ALG6: variants seen among roughly 807,000 people sequenced by gnomAD.
The protein encoded by ALG6 is ALG6 alpha-1,3-glucosyltransferase, also known as dolichyl pyrophosphate Man9GlcNAc2 alpha-1,3-glucosyltransferase.
ALG6 carries 46 observed loss-of-function variants against 66.6 expected under a neutral mutation model. The observed-to-expected ratio is 0.69, with a 90% confidence interval of 0.55 to 0.88. ALG6 has a LOEUF of 0.88. Ranked by LOEUF, ALG6 falls within the 40% of genes least tolerant of loss-of-function variation. The probability of loss-of-function intolerance (pLI) is 0.00; values close to 1 mark genes in which losing one functional copy is unlikely to be tolerated. For missense variants in ALG6, 505 were observed against 586.8 expected (o/e 0.86, Z 1.44); for synonymous variants, 185 against 203.7 (o/e 0.91, Z 0.78).
chr1:63,418,057 C>T (rs1469071952), intron 11 of ALG6, among the ~76,000 whole-genome samples: 2 of 151,378 alleles, frequency 1.3e-5, no homozygotes, highest in Non-Finnish European at 2.9e-5. Context: ...TCGCTTGAAC[C>T]TGGGAGGCGG....
chr1:63,420,905 C>G (rs1299715800), intron 12 of ALG6, among the ~76,000 whole-genome samples: 2 of 151,504 alleles, frequency 1.3e-5, no homozygotes, highest in Non-Finnish European at 2.9e-5. Flanking sequence ...TGACCTGGTC[C>G]CAGCTAATCA....
At chr1:63,397,500 G>A (rs184015148) in intron 3 of ALG6, among the ~76,000 whole-genome samples, 23 of 152,082 alleles carry the variant, frequency 1.5e-4, no homozygotes, top group Admixed American at 9.2e-4. Flanking sequence ...GTTCGTTTTC[G>A]TATGGTCTCA....
At chr1:63,398,018 T>C (rs755259462) in intron 3 of ALG6, among the ~76,000 whole-genome samples, 37 of 152,336 alleles carry the variant, frequency 2.4e-4, no homozygotes, top group Non-Finnish European at 4.4e-4. Flanking sequence ...TTATTGAACA[T>C]ATCCTGATAA....
At chr1:63,384,123 G>A (rs1378610289) in intron 2 of ALG6, among the ~76,000 whole-genome samples, 1 of 152,200 alleles carries the variant, frequency 6.6e-6, no homozygotes, top group Non-Finnish European at 1.5e-5. Context: ...AAACATAAGA[G>A]TGGAGCTATC....
chr1:63,436,751 T>TA, intron 14 of ALG6, 72 bp from the exon 15 acceptor site: 1 of 1,436,904 alleles, frequency 7.0e-7, no homozygotes, highest in Non-Finnish European at 9.8e-7. Context: ...ATTTAATAGC[T>TA]ACAAGTCAAT....
rs114798490 is a variant in ALG6 at position 63,380,577 on chromosome 1, T to C, written c.82+9518T>C. On this transcript the variant is annotated intron_variant, in intron 2 of 14. Coordinates refer to ENST00000263440, the MANE Select transcript of ALG6 (RefSeq NM_013339.4). ...TTTTGTCTCCTAATTGTGACACATA[T>C]ATTATTTTCTCGTTTATTTTAAGGT... is the stretch of plus-strand genomic sequence containing the variant. 8.8e-3 allele frequency among the ~76,000 whole-genome samples: 1,341 copies of C among 152,328 alleles called. 15 individuals are homozygous for C. Among genetic ancestry groups the C allele is most frequent in the African/African-American group, 0.024 (988 of 41,572 alleles).
chr1:63,417,744 C>A (rs145265720), intron 11 of ALG6, among the ~76,000 whole-genome samples: 1 of 152,170 alleles, frequency 6.6e-6, no homozygotes, highest in African/African-American at 2.4e-5. Flanking sequence ...CATCCCTGCT[C>A]TCTTACTTGG....
chr1:63,423,256 T>G (rs983295576), intron 12 of ALG6, among the ~76,000 whole-genome samples: 2 of 152,154 alleles, frequency 1.3e-5, no homozygotes, highest in Non-Finnish European at 2.9e-5. Context: ...ATTCCTGACC[T>G]CAACTGATTC....
chr1:63,421,267 C>T (rs558316776), intron 12 of ALG6, among the ~76,000 whole-genome samples: 14 of 152,266 alleles, frequency 9.2e-5, no homozygotes, highest in African/African-American at 3.4e-4. Context: ...CAACCTCCGC[C>T]TCCCTAGTTC....
chr1:63,390,068 G>A (rs761848422), intron 2 of ALG6, among the ~76,000 whole-genome samples: 25 of 152,170 alleles, frequency 1.6e-4, no homozygotes, highest in Non-Finnish European at 3.4e-4. Context: ...CAAGGCCTGC[G>A]GCAGTCACTG....
At chr1:63,408,794 G>A (rs1037652737) in intron 7 of ALG6, among the ~76,000 whole-genome samples, 1 of 152,090 alleles carries the variant, frequency 6.6e-6, no homozygotes, top group Non-Finnish European at 1.5e-5. Flanking sequence ...CTTTTGAGAC[G>A]GAGTTTCGGA....
At chr1:63,399,624 AT>A (rs1160785255) in intron 3 of ALG6, among the ~76,000 whole-genome samples, 8 of 152,328 alleles carry the variant, frequency 5.3e-5, no homozygotes, top group Middle Eastern at 3.4e-3. Context: ...TATGTAAGTT[AT>A]TTCAACTATT....
chr1:63,377,854 C>G (rs985666020), intron 2 of ALG6, among the ~76,000 whole-genome samples: 1 of 152,156 alleles, frequency 6.6e-6, no homozygotes, highest in Non-Finnish European at 1.5e-5. Flanking sequence ...CTGCTCCAGC[C>G]TCCCCAGTAG....
rs147089011 is a variant in ALG6 at position 63,435,087 on chromosome 1, A to T, written c.1327-1736A>T. 2.6e-3 allele frequency among the ~76,000 whole-genome samples: 402 copies of T among 152,302 alleles called. 1 individual carries two copies. The highest frequency in any genetic ancestry group is 2.5e-3 in the Non-Finnish European group (170 of 68,016). ...ATGGATGTTTGACTATAGCAGTTTCATCGTGATTAGGGTGAAAGCCCAATT... is the reference window on the plus strand; with the variant it reads ...ATGGATGTTTGACTATAGCAGTTTCTTCGTGATTAGGGTGAAAGCCCAATT... On this transcript the variant is annotated intron_variant, in intron 14 of 14. Coordinates refer to ENST00000263440, the MANE Select transcript of ALG6 (RefSeq NM_013339.4).
intron 7 of ALG6, among the ~76,000 whole-genome samples, chr1:63,408,819 C>T (rs1035525065): frequency 1.3e-5 from 2 of 152,136 alleles, no homozygotes; most frequent in African/African-American, 2.4e-5. Context: ...CGCTCTTGTC[C>T]GCCATGCTGG....
intron 14 of ALG6, among the ~76,000 whole-genome samples, chr1:63,432,782 G>T (rs989952621): frequency 1.2e-4 from 19 of 152,168 alleles, no homozygotes; most frequent in African/African-American, 4.3e-4. Context: ...AGTTGTTGTT[G>T]TTGAGACAGG....
intron 2 of ALG6, among the ~76,000 whole-genome samples, chr1:63,371,502 C>T (rs1396286749): frequency 6.6e-6 from 1 of 152,146 alleles, no homozygotes; most frequent in Non-Finnish European, 1.5e-5. Flanking sequence ...TGTAACTCTG[C>T]AGGTACCTAT....
At chr1:63,422,383 A>T (rs1221412047) in intron 12 of ALG6, among the ~76,000 whole-genome samples, 1 of 103,634 alleles carries the variant, frequency 9.6e-6, no homozygotes, top group African/African-American at 3.9e-5. Context: ...ATAAGTATAA[A>T]TATATATAAA....
chr1:63,412,327 C>T (rs1012374631), intron 9 of ALG6, among the ~76,000 whole-genome samples: 1 of 152,124 alleles, frequency 6.6e-6, no homozygotes, highest in Admixed American at 6.6e-5. Flanking sequence ...CCTGCCTTTG[C>T]CTCCCAAGTA....
Sources: gnomAD v4.1 joint callset for allele counts (sites outside exome capture counted in the v4.1 genomes callset) on GRCh38, gnomAD v4.1.1 for gene constraint, MANE v1.5 for transcripts, NCBI Gene and HGNC (gene_info 2026-07-23, HGNC 2026-07-21) for gene names.